The following ITSN2 variants were observed in gnomAD, a reference collection of about 807,000 sequenced individuals.
ITSN2 encodes the protein intersectin 2, also known as intersectin-2.
In ITSN2, 156 loss-of-function variants were observed where a neutral mutation model predicts 243.7. That is an observed-to-expected ratio of 0.64 (90% CI 0.56 to 0.73). The LOEUF (loss-of-function observed/expected upper bound fraction) is 0.73. Ranked by LOEUF, ITSN2 falls within the 30% of genes least tolerant of loss-of-function variation. ITSN2 has a pLI of 0.00. For synonymous variants in ITSN2, 703 were observed against 699.9 expected (o/e 1.00, Z -0.07); for missense variants, 1,801 against 1,996.1 (o/e 0.90, Z 1.86).
chr2:24,321,171 C>T (rs1184169166), intron 2 of ITSN2, among the ~76,000 whole-genome samples: 3 of 152,146 alleles, frequency 2.0e-5, no homozygotes, highest in South Asian at 2.1e-4. Flanking sequence ...GGTTTCTTCC[C>T]GAGCTTGGGA....
At chr2:24,208,366 G>T in intron 36 of ITSN2, 47 bp from the exon 37 acceptor site, 2 of 1,404,410 alleles carry the variant, frequency 1.4e-6, no homozygotes, top group Non-Finnish European at 1.0e-6. Flanking sequence ...CACCCTCACA[G>T]GTCAGCGTGG....
At chr2:24,264,930 CA>C (rs151096868) in intron 20 of ITSN2, among the ~76,000 whole-genome samples, 40 of 137,052 alleles carry the variant, frequency 2.9e-4, no homozygotes, top group Middle Eastern at 7.6e-3. Context: ...CAAAAAGAAA[CA>C]AAAAAAAAAA....
At chr2:24,250,363 T>A (rs895608225) in intron 25 of ITSN2, among the ~76,000 whole-genome samples, 1 of 152,174 alleles carries the variant, frequency 6.6e-6, no homozygotes, top group Non-Finnish European at 1.5e-5. Flanking sequence ...TTGCCAATGA[T>A]AAAATTCAAG....
At chr2:24,291,139 T>A (rs2151594844) in intron 15 of ITSN2, among the ~76,000 whole-genome samples, 1 of 152,252 alleles carries the variant, frequency 6.6e-6, no homozygotes, top group East Asian at 1.9e-4. Flanking sequence ...TTTTTTTTTA[T>A]TTTGTTTTGA....
intron 27 of ITSN2, among the ~76,000 whole-genome samples, chr2:24,248,006 A>G (rs1353444688): frequency 6.6e-6 from 1 of 152,208 alleles, no homozygotes; most frequent in Non-Finnish European, 1.5e-5. Flanking sequence ...ACAATTATAT[A>G]TCACTCATAT....
chr2:24,287,542 T>C (rs1679668086), intron 15 of ITSN2, among the ~76,000 whole-genome samples: 1 of 152,174 alleles, frequency 6.6e-6, no homozygotes, highest in African/African-American at 2.4e-5. Flanking sequence ...TTTTGTTTCC[T>C]TTGAATATAT....
At chr2:24,339,531 T>C (rs1235784670) in intron 1 of ITSN2, among the ~76,000 whole-genome samples, 1 of 151,726 alleles carries the variant, frequency 6.6e-6, no homozygotes, top group Non-Finnish European at 1.5e-5. Context: ...ATTACGCTCC[T>C]TGGAGTTCTA....
chr2:24,244,581 G>T (rs114779531), intron 29 of ITSN2, among the ~76,000 whole-genome samples: 3 of 152,244 alleles, frequency 2.0e-5, no homozygotes, highest in Non-Finnish European at 4.4e-5. Flanking sequence ...TCCAAACCCA[G>T]TAGGTCTGAA....
At chr2:24,287,298 A>G (rs991129219) in intron 15 of ITSN2, among the ~76,000 whole-genome samples, 1 of 152,152 alleles carries the variant, frequency 6.6e-6, no homozygotes, top group African/African-American at 2.4e-5. Flanking sequence ...CATAATTTAT[A>G]TAACTACCTT....
chr2:24,263,752 G>A (rs1269853706), intron 20 of ITSN2, among the ~76,000 whole-genome samples: 1 of 151,948 alleles, frequency 6.6e-6, no homozygotes, highest in Non-Finnish European at 1.5e-5. Context: ...TTTTTTTATT[G>A]CTAAGTAATA....
intron 8 of ITSN2, among the ~76,000 whole-genome samples, chr2:24,307,123 C>CAA (rs1303315791): frequency 6.6e-6 from 1 of 152,018 alleles, no homozygotes; most frequent in Admixed American, 6.6e-5. Context: ...TTTTTAAATG[C>CAA]AAAATGTAGG....
intron 17 of ITSN2, 142 bp downstream of exon 17, chr2:24,284,621 A>G: frequency 1.9e-6 from 1 of 521,110 alleles, no homozygotes; most frequent in Non-Finnish European, 3.5e-6. Context: ...AAGGATATTC[A>G]AGCAAGCAGA....
In ITSN2 at chr2:24,211,680, T is replaced by G. The variant is rs1016772143; in HGVS notation, c.4090-733A>C. Among the ~76,000 whole-genome samples the G allele has an allele frequency of 3.9e-5, 6 of 152,200 alleles. No individual in the cohort carries two copies. The highest frequency in any genetic ancestry group is 1.2e-4 in the African/African-American group (5 of 41,444). On this transcript the variant is annotated intron_variant, in intron 33 of 39. Transcript: ENST00000355123. This position sits in a 1 kb window ranked among gnomAD's most constrained non-coding sequence, Gnocchi z 4.1. Reference sequence around the variant, plus strand: ...AAGTTTTTATTCAGTACCCATTTGGTGGCAAAATCTGACCTAAACAGAAGA... The same window carrying G: ...AAGTTTTTATTCAGTACCCATTTGGGGGCAAAATCTGACCTAAACAGAAGA...
At chr2:24,278,224 AT>A (rs759696571) in intron 17 of ITSN2, among the ~76,000 whole-genome samples, 3 of 152,140 alleles carry the variant, frequency 2.0e-5, no homozygotes, top group Non-Finnish European at 2.9e-5. Context: ...TACTAACCCT[AT>A]TCCCTGCAGT....
chr2:24,274,240 T>C (rs1055544233), intron 18 of ITSN2, among the ~76,000 whole-genome samples: 10 of 152,182 alleles, frequency 6.6e-5, no homozygotes, highest in Non-Finnish European at 1.0e-4. Flanking sequence ...TCTACTTCTA[T>C]ATTATTCTAT....
At chr2:24,334,221 G>A (rs1686097099) in intron 1 of ITSN2, among the ~76,000 whole-genome samples, 1 of 152,156 alleles carries the variant, frequency 6.6e-6, no homozygotes, top group Non-Finnish European at 1.5e-5. Context: ...ACCGCGCCCA[G>A]CTAATTTTTG....
chr2:24,361,061 C>T (rs1240437844), upstream of ITSN2, among the ~76,000 whole-genome samples: 1 of 152,174 alleles, frequency 6.6e-6, no homozygotes. Context: ...TTCTCAGGGA[C>T]CTGGAGGACT....
intron 21 of ITSN2, 132 bp from the exon 22 acceptor site, chr2:24,261,382 CAA>C: frequency 1.1e-6 from 1 of 894,956 alleles, no homozygotes; most frequent in Non-Finnish European, 1.7e-6. Flanking sequence ...TAATTATTAA[CAA>C]ACTACTGACC....
At chr2:24,247,848 C>T (rs1457085672) in intron 27 of ITSN2, among the ~76,000 whole-genome samples, 1 of 152,064 alleles carries the variant, frequency 6.6e-6, no homozygotes, top group African/African-American at 2.4e-5. Flanking sequence ...TCATGTTTCC[C>T]ACTTAGTTCG....
Sources: gnomAD v4.1 joint callset for allele counts (sites outside exome capture counted in the v4.1 genomes callset) on GRCh38, gnomAD v4.1.1 for gene constraint, Gnocchi (gnomAD v3.1) non-coding constraint, MANE v1.5 for transcripts, NCBI Gene and HGNC (gene_info 2026-07-23, HGNC 2026-07-21) for gene names.